ZC3H7B: variants seen among roughly 807,000 people sequenced by gnomAD.
ZC3H7B encodes the protein zinc finger CCCH-type containing 7B, also known as zinc finger CCCH domain-containing protein 7B.
In ZC3H7B, 35 loss-of-function variants were observed where a neutral mutation model predicts 116.0. That is an observed-to-expected ratio of 0.30 (90% CI 0.23 to 0.40). ZC3H7B has a LOEUF of 0.40. Ranked by LOEUF, ZC3H7B falls within the 10% of genes least tolerant of loss-of-function variation. The pLI is 1.00. For synonymous variants in ZC3H7B, 502 were observed against 545.6 expected (o/e 0.92, Z 1.11); for missense variants, 1,011 against 1,321.5 (o/e 0.77, Z 3.64).
intron 12 of ZC3H7B, 107 bp downstream of exon 12, chr22:41,342,735 G>A: frequency 8.5e-7 from 1 of 1,178,344 alleles, no homozygotes; most frequent in Non-Finnish European, 1.2e-6. Flanking sequence ...GGAGATAAGT[G>A]CCAGAAATCA....
chr22:41,351,665 A>C lies in ZC3H7B; in HGVS notation c.2034+19A>C, dbSNP rs773068193. On this transcript the variant is annotated intron_variant, in intron 17 of 22. Coordinates refer to ENST00000352645, the MANE Select transcript of ZC3H7B (RefSeq NM_017590.6). The surrounding 1 kb of genome is among the most constrained non-coding windows in gnomAD (Gnocchi z 5.1). ...CAGCATGGTAAGGCCTTCTGATACT[A>C]TGCCATTATTCAGATTTTGTGAATT... The C allele has an allele frequency of 1.2e-6, 2 of 1,609,030 alleles. No homozygotes were observed. The highest frequency in any genetic ancestry group is 2.2e-5 in the South Asian group (2 of 89,878).
intron 1 of ZC3H7B, among the ~76,000 whole-genome samples, chr22:41,310,394 G>A (rs1462104321): frequency 6.6e-6 from 1 of 152,124 alleles, no homozygotes; most frequent in Non-Finnish European, 1.5e-5. Flanking sequence ...TGAGGCTCAG[G>A]GAGGTGCCCT....
chr22:41,356,275 T>G, intron 20 of ZC3H7B, 68 bp from the exon 21 acceptor site: 1 of 1,599,064 alleles, frequency 6.3e-7, no homozygotes, highest in South Asian at 1.1e-5. Context: ...CCAAATCAAG[T>G]GGGGACCATG....
chr22:41,326,050 A>T, intron 4 of ZC3H7B, 132 bp downstream of exon 4: 1 of 1,083,592 alleles, frequency 9.2e-7, no homozygotes, highest in Non-Finnish European at 1.3e-6. Flanking sequence ...TCAGAATTTC[A>T]TTGTCTGTTC....
At chr22:41,312,081 C>T (rs867991666) in intron 1 of ZC3H7B, among the ~76,000 whole-genome samples, 25 of 149,772 alleles carry the variant, frequency 1.7e-4, no homozygotes, top group African/African-American at 5.7e-4. Context: ...GGCGTGAACC[C>T]GGGAGGCGGA....
intron 1 of ZC3H7B, among the ~76,000 whole-genome samples, chr22:41,319,229 C>T (rs549144481): frequency 6.6e-6 from 1 of 151,872 alleles, no homozygotes; most frequent in Non-Finnish European, 1.5e-5. Context: ...GTGAAACCCC[C>T]TCTCTACTAA....
rs1569245845 is a variant in ZC3H7B, at chr22:41,357,567, T to TCCATCTTCTCCCCACCA, written c.*141_*157dup. 2 of 1,109,350 alleles carry TCCATCTTCTCCCCACCA rather than the reference T, an allele frequency of 1.8e-6. No individual in the cohort carries two copies. The highest frequency in any genetic ancestry group is 2.5e-6 in the Non-Finnish European group (2 of 803,664). The allele number at this position is 1,109,350 out of a possible 1,614,324, so 68.7% of individuals were successfully genotyped here. A position where few individuals can be genotyped will look rare whatever the true frequency, so the allele number is the denominator to read the frequency against. ...CAGCCCCCAGCCCCCTGAGGCCCTG[T>TCCATCTTCTCCCCACCA]CCATCTTCTCCCCACCACCGCCCCG... On this transcript the variant is annotated 3_prime_UTR_variant, in exon 23 of 23. Coordinates refer to ENST00000352645, the MANE Select transcript of ZC3H7B (RefSeq NM_017590.6). This position sits in a 1 kb window ranked among gnomAD's most constrained non-coding sequence, Gnocchi z 5.4.
At chr22:41,304,168 A>G (rs1474908605) in intron 1 of ZC3H7B, among the ~76,000 whole-genome samples, 1 of 152,136 alleles carries the variant, frequency 6.6e-6, no homozygotes, top group East Asian at 1.9e-4. Context: ...TTGGCCTCCC[A>G]AAGGGATAGG....
At chr22:41,308,239 G>A (rs1258457523) in intron 1 of ZC3H7B, among the ~76,000 whole-genome samples, 1 of 152,060 alleles carries the variant, frequency 6.6e-6, no homozygotes, top group Non-Finnish European at 1.5e-5. Context: ...GAAGGTGGGG[G>A]CTCTGGCCCT....
At chr22:41,329,366 C>T (rs2145918584) in intron 5 of ZC3H7B, among the ~76,000 whole-genome samples, 1 of 149,234 alleles carries the variant, frequency 6.7e-6, no homozygotes, top group South Asian at 2.1e-4. Context: ...TCAAGCGATT[C>T]TCCTGCCTCA....
intron 6 of ZC3H7B, 96 bp downstream of exon 6, chr22:41,330,199 AG>A: frequency 1.5e-6 from 2 of 1,334,514 alleles, no homozygotes; most frequent in Non-Finnish European, 2.1e-6. Context: ...GAGGGTGGCC[AG>A]GGCTGGGTTA....
At position 41,339,872 on chromosome 22, in the gene ZC3H7B, G is replaced by A. The variant is rs2036496572; in HGVS notation, c.873G>A (p.Leu291=). Residue 291 remains leucine, a synonymous_variant, in exon 10 of 23, where the codon CTG becomes CTA. Transcript: ENST00000352645. ...GCGTGCCTAGTGAGTTGCCCCAGCTGATACCCGTGTTCCCCGGCGGGACCC... is the reference window on the plus strand; with the variant it reads ...GCGTGCCTAGTGAGTTGCCCCAGCTAATACCCGTGTTCCCCGGCGGGACCC... ...GSGVPSELPQ[L]IPVFPGGTPL... is the part of the protein sequence containing the mutation. 1 of 1,613,296 alleles carries A rather than the reference G, an allele frequency of 6.2e-7. No homozygotes were observed. The highest frequency in any genetic ancestry group is 8.5e-7 in the Non-Finnish European group (1 of 1,179,634).
In ZC3H7B at chr22:41,339,071, C is replaced by A. The variant is rs139760808; in HGVS notation, c.696C>A (p.His232Gln). ...CGCCCACGATGCCCCTGTTCCCTCACGTTCTGGACCTGCTGGCCCCCCTGG... is the reference window on the plus strand; with the variant it reads ...CGCCCACGATGCCCCTGTTCCCTCAAGTTCTGGACCTGCTGGCCCCCCTGG... ...PSTPTMPLFP[H>Q]VLDLLAPLDS... The change falls in exon 9 of 23, where the codon CAC becomes CAA. Residue 232 changes from histidine (H) to glutamine (Q), a missense_variant. Physicochemically the swap from His to Gln is conservative, Grantham distance 24. This residue lies in a region of ZC3H7B where 322 missense variants were observed against 443.9 expected (regional missense o/e 0.73). Transcript: ENST00000352645. 1 of 1,612,876 alleles carries A rather than the reference C, an allele frequency of 6.2e-7. No homozygotes were observed. The highest frequency in any genetic ancestry group is 8.5e-7 in the Non-Finnish European group (1 of 1,179,474).
At chr22:41,348,416 A>G (rs2036615831) in intron 15 of ZC3H7B, among the ~76,000 whole-genome samples, 1 of 152,242 alleles carries the variant, frequency 6.6e-6, no homozygotes, top group Non-Finnish European at 1.5e-5. Context: ...GGGAGGAGTT[A>G]CTGGCCCTGT....
chr22:41,325,741 G>T lies in ZC3H7B; in HGVS notation c.108G>T (p.Val36=). ...AACAGGCCTTTCTGCTCAAGCTGGT[G>T]CAGAATCTGTTTGCTGAGGGCAATG... ...EEYEAFLLKL[V]QNLFAEGNDL... is the part of the protein sequence containing the mutation. The change falls in exon 4 of 23, where the codon GTG becomes GTT. Residue 36 remains valine (V), a synonymous_variant. Coordinates refer to ENST00000352645, the MANE Select transcript of ZC3H7B (RefSeq NM_017590.6). The T allele has an allele frequency of 6.2e-7, 1 of 1,613,748 alleles. No homozygotes were observed. The highest frequency in any genetic ancestry group is 8.5e-7 in the Non-Finnish European group (1 of 1,179,892).
In ZC3H7B at chr22:41,332,209, G is replaced by A. The variant is rs141222295; in HGVS notation, c.564G>A (p.Ala188=). The A allele has an allele frequency of 3.3e-5, 53 of 1,614,198 alleles. No homozygotes were observed. The highest frequency in any genetic ancestry group is 6.7e-5 in the Admixed American group (4 of 60,028). The change falls in exon 7 of 23, where the codon GCG becomes GCA. Residue 188 remains alanine, a synonymous_variant. Coordinates refer to ENST00000352645, the MANE Select transcript of ZC3H7B (RefSeq NM_017590.6). ...ETFSLLSNGT[A]AGVADQGTSN... is the part of the protein sequence containing the mutation. ...TTTCTCTGCTCAGTAACGGCACTGCGGCTGGCGTGGCAGATCAGGTAGGAT... is the reference window on the plus strand; with the variant it reads ...TTTCTCTGCTCAGTAACGGCACTGCAGCTGGCGTGGCAGATCAGGTAGGAT...
Position 41,356,467 on chromosome 22 carries a change from G to A in ZC3H7B, c.2508G>A (p.Ala836=), listed in dbSNP as rs144661593. ...EKQIQMPTDY[A]DIMMGYHCWL... ...AGATCCAGATGCCCACGGACTACGCGGACATCATGGTAACGCCTCCGCCCT... is the reference window on the plus strand; with the variant it reads ...AGATCCAGATGCCCACGGACTACGCAGACATCATGGTAACGCCTCCGCCCT... The change falls in exon 21 of 23, where the codon GCG becomes GCA. Residue 836 remains alanine, a synonymous_variant. Transcript: ENST00000352645. 2.3e-5 allele frequency: 37 copies of A among 1,613,918 alleles called. No homozygotes were observed. Among genetic ancestry groups the A allele is most frequent in the South Asian group, 7.7e-5 (7 of 91,090 alleles).
At chr22:41,314,088 TTAA>T (rs1199883604) in intron 1 of ZC3H7B, among the ~76,000 whole-genome samples, 2 of 151,764 alleles carry the variant, frequency 1.3e-5, no homozygotes, top group African/African-American at 4.8e-5. Flanking sequence ...TTTGAGTATC[TTAA>T]TAATTTATTT....
At chr22:41,345,299 A>G (rs1177109461) in intron 13 of ZC3H7B, among the ~76,000 whole-genome samples, 1 of 152,060 alleles carries the variant, frequency 6.6e-6, no homozygotes, top group Non-Finnish European at 1.5e-5. Context: ...TAAATCCCTT[A>G]TATTTGCCAG....
Sources: allele counts gnomAD v4.1 joint callset (sites outside exome capture counted in the v4.1 genomes callset), GRCh38; gene constraint gnomAD v4.1.1; regional missense constraint gnomAD v4.1.1; non-coding constraint Gnocchi (gnomAD v3.1); transcripts MANE v1.5; gene names NCBI Gene and HGNC (gene_info 2026-07-23, HGNC 2026-07-21).